VTI1B: variants seen among roughly 807,000 people sequenced by gnomAD.
The protein encoded by VTI1B is vesicle transport through interaction with t-SNAREs homolog 1B.
Under a neutral mutation model 28.6 loss-of-function variants are expected in VTI1B, and 18 were observed. The observed-to-expected ratio is 0.63, with a 90% CI of 0.43 to 0.93. VTI1B has a LOEUF of 0.93. Ranked by LOEUF, VTI1B falls within the 40% of genes least tolerant of loss-of-function variation. The pLI, the probability that VTI1B is intolerant of heterozygous loss-of-function variation, is 0.00. For synonymous variants in VTI1B, 100 were observed against 107.9 expected, an observed-to-expected ratio of 0.93 and a Z score of 0.46; for missense variants, 283 against 297.0, an observed-to-expected ratio of 0.95 and a Z score of 0.35.
At chr14:67,653,351 T>C (rs536053402) in intron 5 of VTI1B, 86 bp downstream of exon 5, 2 of 1,190,418 alleles carry the variant, frequency 1.7e-6, no homozygotes, top group South Asian at 2.6e-5. Flanking sequence ...AGGTGCTTTA[T>C]GAGGACCTTT....
chr14:67,653,575 T>A, intron 4 of VTI1B, 77 bp from the exon 5 acceptor site: 1 of 1,327,974 alleles, frequency 7.5e-7, no homozygotes, highest in African/African-American at 1.5e-5. Flanking sequence ...AGATTAACAG[T>A]AGGCATTAAG....
chr14:67,667,038 C>T (rs2037409842), intron 1 of VTI1B, among the ~76,000 whole-genome samples: 1 of 152,126 alleles, frequency 6.6e-6, no homozygotes, highest in African/African-American at 2.4e-5. Context: ...CTTCAAATAC[C>T]ACTATCCCCC....
intron 1 of VTI1B, among the ~76,000 whole-genome samples, chr14:67,668,001 CAG>C (rs1457904754): frequency 6.6e-6 from 1 of 152,156 alleles, no homozygotes; most frequent in East Asian, 1.9e-4. Context: ...TAAAATTCTA[CAG>C]TCTGTAAGTA....
chr14:67,653,320 G>A, intron 5 of VTI1B, 117 bp downstream of exon 5: 3 of 764,058 alleles, frequency 3.9e-6, no homozygotes, highest in Non-Finnish European at 6.7e-6. Context: ...TGAGTATACA[G>A]GGACTATGCG....
intron 1 of VTI1B, among the ~76,000 whole-genome samples, chr14:67,667,269 C>T (rs1286294407): frequency 6.6e-6 from 1 of 152,078 alleles, no homozygotes; most frequent in African/African-American, 2.4e-5. Context: ...TAATCTTGGC[C>T]CTTTAAAGTT....
intron 1 of VTI1B, among the ~76,000 whole-genome samples, chr14:67,672,437 C>CTT (rs2037476616): frequency 2.3e-5 from 2 of 88,416 alleles, no homozygotes; most frequent in African/African-American, 8.0e-5. Context: ...ACTTTTTTTT[C>CTT]TTTTCTTTTC....
At position 67,674,505 on chromosome 14, in the gene VTI1B, GGAGC is replaced by G; in HGVS notation, c.-20_-17del. 1 of 1,583,598 alleles carries G rather than the reference GGAGC, an allele frequency of 6.3e-7. No individual in the cohort carries two copies. The highest frequency in any genetic ancestry group is 1.8e-5 in the Admixed American group (1 of 55,236). On this transcript the variant is annotated 5_prime_UTR_variant, in exon 1 of 6. Transcript: ENST00000554659. ...AGGAGGCCATGGCGCAGGCCGCGCT[GGAGC>G]AGCGGCCACCGAGATTCGGGGCCCT... is the stretch of plus-strand genomic sequence containing the variant.
chr14:67,667,387 C>G (rs1006410950), intron 1 of VTI1B, among the ~76,000 whole-genome samples: 3 of 152,128 alleles, frequency 2.0e-5, no homozygotes, highest in African/African-American at 7.2e-5. Flanking sequence ...TACACCGTGA[C>G]AGCTGACTAG....
At chr14:67,674,086 C>T (rs1437530351) in intron 1 of VTI1B, among the ~76,000 whole-genome samples, 1 of 152,254 alleles carries the variant, frequency 6.6e-6, no homozygotes, top group Non-Finnish European at 1.5e-5. Context: ...ACCCACTCTA[C>T]ATTACAGGAC....
At chr14:67,666,790 A>C (rs2037407021) in intron 1 of VTI1B, among the ~76,000 whole-genome samples, 1 of 152,200 alleles carries the variant, frequency 6.6e-6, no homozygotes, top group African/African-American at 2.4e-5. Context: ...TAGTTCTGGA[A>C]TGCAAGTGTG....
chr14:67,668,056 C>T (rs1051868123), intron 1 of VTI1B, among the ~76,000 whole-genome samples: 1 of 152,138 alleles, frequency 6.6e-6, no homozygotes, highest in African/African-American at 2.4e-5. Context: ...TCCATAGTGA[C>T]TATTTTTTCT....
chr14:67,653,986 A>T (rs776263640), intron 4 of VTI1B, among the ~76,000 whole-genome samples: 23 of 152,154 alleles, frequency 1.5e-4, no homozygotes, highest in Non-Finnish European at 2.2e-4. Flanking sequence ...ACCTCCATGG[A>T]ACTTTCAACT....
Position 67,648,233 on chromosome 14 carries a change from T to C in VTI1B, c.*3152A>G. The C allele has an allele frequency of 6.4e-7, 1 of 1,561,594 alleles. No homozygotes were observed. Among genetic ancestry groups the C allele is most frequent in the Non-Finnish European group, 8.7e-7 (1 of 1,146,634 alleles). Reference sequence around the variant, plus strand: ...CTGTTAACTACATAGGTAAATATGCTAGAGTCTCTTGCCTGCAAAGGATCT... The same window carrying C: ...CTGTTAACTACATAGGTAAATATGCCAGAGTCTCTTGCCTGCAAAGGATCT... On this transcript the variant is annotated 3_prime_UTR_variant, in exon 6 of 6. Transcript: ENST00000554659.
chr14:67,672,429 T>C (rs2037476228), intron 1 of VTI1B, among the ~76,000 whole-genome samples: 4 of 133,560 alleles, frequency 3.0e-5, no homozygotes, highest in East Asian at 2.3e-4. Context: ...TGCAGTCTAC[T>C]TTTTTTTCTT....
intron 1 of VTI1B, among the ~76,000 whole-genome samples, chr14:67,663,401 C>T (rs145310809): frequency 0.012 from 1,775 of 152,094 alleles, 35 homozygotes; most frequent in African/African-American, 0.041. Flanking sequence ...AGGCTGGGCA[C>T]GGTGACTCAC....
chr14:67,674,623 C>T lies in VTI1B; in HGVS notation c.-134G>A, dbSNP rs973980943. The T allele has an allele frequency of 1.3e-5, 8 of 638,110 alleles. No individual in the cohort carries two copies. The South Asian group carries it at 2.0e-4, about 16-fold the overall frequency. The allele number at this position is 638,110 out of a possible 1,614,324, so 39.5% of individuals were successfully genotyped here. ...CACCGCCGCCCAGGACGAGGCTCTT[C>T]CGGAGCCGCGGCAGGGTCCTCTCGA... On this transcript the variant is annotated 5_prime_UTR_variant, in exon 1 of 6. Coordinates refer to ENST00000554659, the MANE Select transcript of VTI1B (RefSeq NM_006370.3).
intron 1 of VTI1B, among the ~76,000 whole-genome samples, chr14:67,668,953 GA>G (rs908498111): frequency 6.0e-5 from 9 of 149,778 alleles, no homozygotes; most frequent in African/African-American, 1.2e-4. Context: ...AAGTACTCTG[GA>G]AAAAAAAAGG....
chr14:67,666,460 A>G (rs115706473), intron 1 of VTI1B, among the ~76,000 whole-genome samples: 155 of 152,356 alleles, frequency 1.0e-3, no homozygotes, highest in African/African-American at 3.5e-3. Flanking sequence ...ACAGAACTTC[A>G]CTACATTTAT....
Position 67,648,051 on chromosome 14 carries a change from C to A in VTI1B, c.*3334G>T, listed in dbSNP as rs778789921. 104 of 1,610,020 alleles carry A rather than the reference C, an allele frequency of 6.5e-5. No homozygotes were observed. The highest frequency in any genetic ancestry group is 8.8e-5 in the Non-Finnish European group (104 of 1,177,836). ...TTTTATCCTCTTCCTTTTTAGGAGA[C>A]AAAGACCAATCCATTTGAGTTTTGA... On this transcript the variant is annotated 3_prime_UTR_variant, in exon 6 of 6. Transcript: ENST00000554659.
Sources: allele counts gnomAD v4.1 joint callset (sites outside exome capture counted in the v4.1 genomes callset), GRCh38; gene constraint gnomAD v4.1.1; transcripts MANE v1.5; gene names NCBI Gene and HGNC (gene_info 2026-07-23, HGNC 2026-07-21).